DCHS2: variants seen among roughly 807,000 people sequenced by gnomAD.
The protein encoded by DCHS2 is dachsous cadherin-related 2, also known as protocadherin-23.
In DCHS2, 142 loss-of-function variants were observed where a neutral mutation model predicts 182.4. That is an observed-to-expected ratio of 0.78 (90% CI 0.68 to 0.89). The LOEUF (loss-of-function observed/expected upper bound fraction) is 0.89. Ranked by LOEUF, DCHS2 falls within the 40% of genes least tolerant of loss-of-function variation. The probability of loss-of-function intolerance (pLI) is 0.00; values close to 1 mark genes in which losing one functional copy is unlikely to be tolerated. For synonymous variants in DCHS2, 1,740 were observed against 1,663.3 expected, an observed-to-expected ratio of 1.05 and a Z score of -1.12; for missense variants, 4,319 against 4,198.6, an observed-to-expected ratio of 1.03 and a Z score of -0.79.
At chr4:154,396,017 T>TA (rs1731914876) in intron 1 of DCHS2, among the ~76,000 whole-genome samples, 1 of 152,194 alleles carries the variant, frequency 6.6e-6, no homozygotes, top group African/African-American at 2.4e-5. Context: ...TTGAGCGAGG[T>TA]AAACATTTGT....
In DCHS2 at chr4:154,373,532, T is replaced by G. The variant is rs114353434; in HGVS notation, c.2244+3721A>C. Among the ~76,000 whole-genome samples the G allele has an allele frequency of 6.4e-3, 974 of 152,304 alleles. 11 individuals are homozygous for G. Among genetic ancestry groups the G allele is most frequent in the African/African-American group, 0.022 (922 of 41,570 alleles). ...TATATTCTGAGGCAAACATAAGGAA[T>G]GCTGGAGGCAGTTTTAGGTCCAGAG... On this transcript the variant is annotated intron_variant, in intron 2 of 19. Transcript: ENST00000357232.
Position 154,234,290 on chromosome 4 carries a change from T to A in DCHS2, c.*246A>T. The A allele has an allele frequency of 2.4e-6, 1 of 420,768 alleles. No homozygotes were observed. Among genetic ancestry groups the A allele is most frequent in the Non-Finnish European group, 4.1e-6 (1 of 243,894 alleles). 26.1% of individuals were successfully genotyped at this position (420,768 alleles called of 1,614,324 possible). A position where few individuals can be genotyped will look rare whatever the true frequency, so the allele number is the denominator to read the frequency against. On this transcript the variant is annotated 3_prime_UTR_variant, in exon 20 of 20. Transcript: ENST00000357232. ...TACAGACAACAGGTCTGACAGAATATACACTACTTAATATATACAAATGTG... is the reference window on the plus strand; with the variant it reads ...TACAGACAACAGGTCTGACAGAATAAACACTACTTAATATATACAAATGTG...
chr4:154,307,604 T>C (rs1326783155), intron 10 of DCHS2, among the ~76,000 whole-genome samples: 1 of 152,202 alleles, frequency 6.6e-6, no homozygotes, highest in Non-Finnish European at 1.5e-5. Flanking sequence ...CCTTGCATAG[T>C]TTCTCAGGTC....
At chr4:154,482,497 T>TG (rs889597248) in intron 1 of DCHS2, among the ~76,000 whole-genome samples, 8 of 152,110 alleles carry the variant, frequency 5.3e-5, no homozygotes, top group East Asian at 1.9e-4. Flanking sequence ...AGGAAAGACT[T>TG]GGGGAAAAAA....
At chr4:154,303,131 G>A (rs1735286601) in intron 12 of DCHS2, among the ~76,000 whole-genome samples, 1 of 151,546 alleles carries the variant, frequency 6.6e-6, no homozygotes, top group African/African-American at 2.4e-5. Flanking sequence ...ACAGGTGCCT[G>A]CCACCACACC....
chr4:154,309,575 C>T (rs1487700211), intron 10 of DCHS2, among the ~76,000 whole-genome samples: 5 of 152,138 alleles, frequency 3.3e-5, no homozygotes. Context: ...CTTGCTTACT[C>T]ATTCATCCAA....
chr4:154,240,375 T>C (rs1034810560), intron 18 of DCHS2, among the ~76,000 whole-genome samples, 162 bp downstream of exon 18: 1 of 152,056 alleles, frequency 6.6e-6, no homozygotes, highest in African/African-American at 2.4e-5. Flanking sequence ...TATGTACTTA[T>C]AGACTCCGTG....
In DCHS2 at chr4:154,235,521, C is replaced by T. The variant is rs778416571; in HGVS notation, c.9131G>A (p.Arg3044Gln). ...SSLDADLRVT[R>Q]DASVLKAFQK... ...GAAGGCTTTGAGCACACTGGCATCCCGGGTCACTCTCAAGTCCGCATCTAA... is the reference window on the plus strand; with the variant it reads ...GAAGGCTTTGAGCACACTGGCATCCTGGGTCACTCTCAAGTCCGCATCTAA... The change falls in exon 20 of 20, where the codon CGG (arginine) becomes CAG (glutamine). Residue 3044 changes from arginine to glutamine, a missense_variant. Arg to Gln is a conservative substitution (Grantham distance 43, BLOSUM62 1). Coordinates refer to ENST00000357232, the MANE Select transcript of DCHS2 (RefSeq NM_001358235.2). 1.2e-5 allele frequency: 19 copies of T among 1,613,914 alleles called. No individual in the cohort carries two copies. The highest frequency in any genetic ancestry group is 4.4e-5 in the South Asian group (4 of 91,074).
Position 154,377,441 on chromosome 4 carries a change from T to G in DCHS2, c.2056A>C (p.Thr686Pro). The G allele has an allele frequency of 6.2e-6, 10 of 1,610,716 alleles. No individual in the cohort carries two copies. The highest frequency in any genetic ancestry group is 8.5e-6 in the Non-Finnish European group (10 of 1,177,794). Residue 686 changes from threonine to proline, a missense_variant, in exon 2 of 20, where the codon ACA becomes CCA. Coordinates refer to ENST00000357232, the MANE Select transcript of DCHS2 (RefSeq NM_001358235.2). ...AGTCCTGAATCTGCATCAGAGGCTG[T>G]CACCTGTGAGACAGGAGGGTGATCA... Reference protein sequence around the residue: ...APVGHCFLQVTASDADSGLYG... With the variant: ...APVGHCFLQVPASDADSGLYG...
At chr4:154,449,258 A>G (rs879928199) in intron 1 of DCHS2, among the ~76,000 whole-genome samples, 1 of 152,190 alleles carries the variant, frequency 6.6e-6, no homozygotes, top group Non-Finnish European at 1.5e-5. Flanking sequence ...TGTTATTTAA[A>G]TATTACCATT....
chr4:154,339,736 C>T (rs534295850), intron 3 of DCHS2, among the ~76,000 whole-genome samples: 22 of 152,142 alleles, frequency 1.4e-4, no homozygotes, highest in African/African-American at 4.3e-4. Context: ...TGTGAGCGAC[C>T]GCGCCCAGCC....
intron 2 of DCHS2, chr4:154,373,875 C>A: frequency 6.6e-7 from 1 of 1,512,572 alleles, no homozygotes; most frequent in South Asian, 1.2e-5. Flanking sequence ...TTTCCAGGCA[C>A]CAGATGTTAA....
At chr4:154,322,284 A>C (rs751494519) in intron 8 of DCHS2, 47 bp downstream of exon 8, 3 of 1,609,190 alleles carry the variant, frequency 1.9e-6, no homozygotes, top group Non-Finnish European at 2.5e-6. Flanking sequence ...ATGAAAGTCA[A>C]ATGAAATCTT....
chr4:154,458,839 G>C (rs2110992559), intron 1 of DCHS2, among the ~76,000 whole-genome samples: 1 of 152,186 alleles, frequency 6.6e-6, no homozygotes, highest in South Asian at 2.1e-4. Context: ...TGTCCTCTAA[G>C]GTTGCAGTTT....
chr4:154,317,227 T>C (rs2111327908), intron 9 of DCHS2, among the ~76,000 whole-genome samples: 1 of 152,348 alleles, frequency 6.6e-6, no homozygotes, highest in African/African-American at 2.4e-5. Flanking sequence ...ACTCAAGAGA[T>C]TCACATTACC....
intron 14 of DCHS2, among the ~76,000 whole-genome samples, chr4:154,263,649 T>C (rs936021966): frequency 3.9e-5 from 5 of 129,616 alleles, no homozygotes; most frequent in Non-Finnish European, 6.5e-5. Flanking sequence ...GCTGGAAACC[T>C]AAAGGCTGCA....
At chr4:154,241,296 A>G (rs1418584752) in intron 17 of DCHS2, among the ~76,000 whole-genome samples, 1 of 152,074 alleles carries the variant, frequency 6.6e-6, no homozygotes, top group Non-Finnish European at 1.5e-5. Flanking sequence ...ATTTCCTTAT[A>G]TTTATTTTTG....
chr4:154,432,589 A>G (rs550150673), intron 1 of DCHS2, among the ~76,000 whole-genome samples: 1 of 152,304 alleles, frequency 6.6e-6, no homozygotes, highest in Admixed American at 6.5e-5. Flanking sequence ...AGGCCAGGTG[A>G]ACACTAAAAG....
chr4:154,426,142 C>T (rs1310203406), intron 1 of DCHS2, among the ~76,000 whole-genome samples: 2 of 152,204 alleles, frequency 1.3e-5, no homozygotes, highest in Non-Finnish European at 2.9e-5. Flanking sequence ...TGTTCCCTCA[C>T]TGCCAACCCC....
Sources: gnomAD v4.1 joint callset for allele counts (sites outside exome capture counted in the v4.1 genomes callset) on GRCh38, gnomAD v4.1.1 for gene constraint, MANE v1.5 for transcripts, NCBI Gene and HGNC (gene_info 2026-07-23, HGNC 2026-07-21) for gene names.